EVL: variants seen among roughly 807,000 people sequenced by gnomAD.
The protein encoded by EVL is ena/VASP-like protein.
Under a neutral mutation model 59.6 loss-of-function variants are expected in EVL, and 21 were observed. That is an observed-to-expected ratio of 0.35 (90% CI 0.25 to 0.51). The LOEUF (loss-of-function observed/expected upper bound fraction) is 0.51. Ranked by LOEUF, EVL falls within the 20% of genes least tolerant of loss-of-function variation. The probability of loss-of-function intolerance (pLI) is 0.97; values close to 1 mark genes in which losing one functional copy is unlikely to be tolerated. For missense variants in EVL, 462 were observed against 546.6 expected, an observed-to-expected ratio of 0.85 and a Z score of 1.54; for synonymous variants, 198 against 203.5, an observed-to-expected ratio of 0.97 and a Z score of 0.23.
At chr14:99,994,972 C>T (rs1414678994) in intron 1 of EVL, among the ~76,000 whole-genome samples, 1 of 152,096 alleles carries the variant, frequency 6.6e-6, no homozygotes, top group Non-Finnish European at 1.5e-5. Flanking sequence ...ATATATCATC[C>T]CACTCCCTTC....
rs1423638187 is a variant in EVL at position 100,123,527 on chromosome 14, C to T, written c.359-12C>T. ...CTCTAACCACACTGTTTCTGTGCTT[C>T]TCTGCCCACAGGCCCCTCCAGCCAG... On this transcript the variant is annotated splice_polypyrimidine_tract_variant and intron_variant, in intron 3 of 13. Transcript: ENST00000392920. 6.2e-7 allele frequency: 1 copy of T among 1,613,790 alleles called. No homozygotes were observed. The highest frequency in any genetic ancestry group is 2.2e-5 in the East Asian group (1 of 44,882).
intron 1 of EVL, among the ~76,000 whole-genome samples, chr14:99,993,878 G>C (rs2060893278): frequency 6.6e-6 from 1 of 151,272 alleles, no homozygotes; most frequent in Non-Finnish European, 1.5e-5. Context: ...ATTTTTAGTA[G>C]AGACGGAGTT....
chr14:100,091,150 CAA>C (rs2062556208), intron 2 of EVL, among the ~76,000 whole-genome samples: 1 of 152,188 alleles, frequency 6.6e-6, no homozygotes, highest in Admixed American at 6.5e-5. Context: ...CCTCAGAAAA[CAA>C]GAGTCTCTCT....
intron 1 of EVL, among the ~76,000 whole-genome samples, chr14:99,995,325 C>T (rs2060906097): frequency 6.6e-6 from 1 of 152,048 alleles, no homozygotes; most frequent in South Asian, 2.1e-4. Context: ...TTTCTTTATT[C>T]TTTTTTCGTT....
At chr14:100,086,103 T>C (rs1208012188) in intron 2 of EVL, among the ~76,000 whole-genome samples, 1 of 152,206 alleles carries the variant, frequency 6.6e-6, no homozygotes, top group Non-Finnish European at 1.5e-5. Context: ...CACTCCAGCC[T>C]GGGCGACGGA....
intron 1 of EVL, among the ~76,000 whole-genome samples, chr14:100,036,167 G>A (rs2061385785): frequency 6.6e-6 from 1 of 152,166 alleles, no homozygotes; most frequent in African/African-American, 2.4e-5. Flanking sequence ...AAGGAGCCAG[G>A]CTGTGCTCTT....
chr14:100,034,752 G>A (rs527447834), intron 1 of EVL, among the ~76,000 whole-genome samples: 1 of 151,966 alleles, frequency 6.6e-6, no homozygotes, highest in Non-Finnish European at 1.5e-5. Flanking sequence ...AAAAAAAAAT[G>A]CGTAAGATAA....
At chr14:100,015,168 G>A (rs576309135) in intron 1 of EVL, among the ~76,000 whole-genome samples, 2 of 152,270 alleles carry the variant, frequency 1.3e-5, no homozygotes, top group South Asian at 4.1e-4. Context: ...CGGGACATCA[G>A]GGCCTTAAAC....
intron 1 of EVL, among the ~76,000 whole-genome samples, chr14:100,040,644 C>T (rs755024366): frequency 1.3e-5 from 2 of 152,194 alleles, no homozygotes; most frequent in Admixed American, 6.5e-5. Flanking sequence ...GAGGCACCTT[C>T]CCTGGGATGT....
Position 100,068,326 on chromosome 14 carries a change from G to A in EVL, c.11+2815G>A, listed in dbSNP as rs564638463. Reference sequence around the variant, plus strand: ...TGGAGCAACATGAAGAAGGAAGAGTGAAGGCAAATAAGGGCACAGAAGGCT... The same window carrying A: ...TGGAGCAACATGAAGAAGGAAGAGTAAAGGCAAATAAGGGCACAGAAGGCT... On this transcript the variant is annotated intron_variant, in intron 1 of 13. Coordinates refer to ENST00000392920, the MANE Select transcript of EVL (RefSeq NM_016337.3). Among the ~76,000 whole-genome samples the A allele has an allele frequency of 1.2e-4, 18 of 152,306 alleles. No individual in the cohort carries two copies. The South Asian group carries it at 3.5e-3, about 30-fold the overall frequency.
intron 1 of EVL, among the ~76,000 whole-genome samples, chr14:100,080,251 A>G (rs1290695531): frequency 6.6e-6 from 1 of 152,230 alleles, no homozygotes; most frequent in Non-Finnish European, 1.5e-5. Context: ...TAATATTTTA[A>G]GAAAGTTTAC....
At chr14:100,088,913 A>G (rs1184585636) in intron 2 of EVL, among the ~76,000 whole-genome samples, 6 of 152,238 alleles carry the variant, frequency 3.9e-5, no homozygotes, top group East Asian at 1.9e-4. Context: ...GGAGATCCCA[A>G]CGAGGCCTCC....
At chr14:100,073,616 G>T (rs979144843) in intron 1 of EVL, among the ~76,000 whole-genome samples, 1 of 152,014 alleles carries the variant, frequency 6.6e-6, no homozygotes, top group African/African-American at 2.4e-5. Flanking sequence ...CACTGTGCCC[G>T]GCCCTTGTTT....
intron 3 of EVL, among the ~76,000 whole-genome samples, chr14:100,122,920 A>G (rs1237855106): frequency 6.6e-6 from 1 of 152,134 alleles, no homozygotes; most frequent in Non-Finnish European, 1.5e-5. Context: ...ACCAGTCTAG[A>G]ACAAGGGGAG....
intron 11 of EVL, chr14:100,139,532 C>T (rs889834915): frequency 4.6e-5 from 7 of 152,382 alleles, no homozygotes; most frequent in South Asian, 4.1e-4. Flanking sequence ...CCTGAAGGAC[C>T]CAGGGCCCTC....
intron 1 of EVL, among the ~76,000 whole-genome samples, chr14:100,028,194 C>T (rs1391794386): frequency 7.1e-6 from 1 of 140,422 alleles, no homozygotes; most frequent in Non-Finnish European, 1.5e-5. Context: ...AGTGGCTGTA[C>T]TAATTTATAT....
intron 1 of EVL, among the ~76,000 whole-genome samples, chr14:100,043,801 A>G (rs1381316808): frequency 1.3e-5 from 2 of 151,748 alleles, no homozygotes; most frequent in Non-Finnish European, 2.9e-5. Context: ...TTTTGTAAAG[A>G]TAGAGTCTTG....
intron 1 of EVL, among the ~76,000 whole-genome samples, chr14:100,015,224 T>G (rs187636448): frequency 6.6e-6 from 1 of 152,368 alleles, no homozygotes; most frequent in African/African-American, 2.4e-5. Context: ...GATTCAGTAC[T>G]AACAAATCAT....
intron 3 of EVL, among the ~76,000 whole-genome samples, chr14:100,117,380 C>T (rs1037689648): frequency 6.6e-6 from 1 of 151,892 alleles, no homozygotes; most frequent in African/African-American, 2.4e-5. Context: ...GGCTCCGAGC[C>T]GCAGCTTCTC....
Sources: gnomAD v4.1 joint callset for allele counts (sites outside exome capture counted in the v4.1 genomes callset) on GRCh38, gnomAD v4.1.1 for gene constraint, MANE v1.5 for transcripts, NCBI Gene and HGNC (gene_info 2026-07-23, HGNC 2026-07-21) for gene names.